Variants in ARHGAP35 observed in about 807,000 individuals in gnomAD.
The protein encoded by ARHGAP35 is rho GTPase-activating protein 35.
Under a neutral mutation model 111.1 loss-of-function variants are expected in ARHGAP35, and 15 were observed. The ratio of observed to expected loss-of-function variants is 0.13; its 90% CI spans 0.09 to 0.21. The LOEUF is 0.21. Ranked by LOEUF, ARHGAP35 falls within the 10% of genes least tolerant of loss-of-function variation. The probability of loss-of-function intolerance (pLI) is 1.00; values close to 1 mark genes in which losing one functional copy is unlikely to be tolerated. For missense variants in ARHGAP35, 1,262 were observed against 1,873.0 expected (o/e 0.67, Z 6.02); for synonymous variants, 643 against 710.3 (o/e 0.91, Z 1.51).
chr19:46,894,306 A>G (rs1439995578), intron 1 of ARHGAP35, among the ~76,000 whole-genome samples: 1 of 152,204 alleles, frequency 6.6e-6, no homozygotes, highest in Non-Finnish European at 1.5e-5. Flanking sequence ...TTGAGAGTGG[A>G]TCAATGATGT....
chr19:46,944,184 C>T (rs2056365244), intron 3 of ARHGAP35, among the ~76,000 whole-genome samples: 1 of 151,602 alleles, frequency 6.6e-6, no homozygotes, highest in African/African-American at 2.4e-5. Flanking sequence ...CCTGTAGTCC[C>T]AGCTACTCAG....
chr19:46,984,845 C>T (rs561915774), intron 3 of ARHGAP35, among the ~76,000 whole-genome samples: 1 of 152,350 alleles, frequency 6.6e-6, no homozygotes, highest in East Asian at 1.9e-4. Flanking sequence ...CCTGCCCTCT[C>T]ATGCCGGGGC....
In ARHGAP35 at chr19:46,999,319, A is replaced by C. The variant is rs892069216; in HGVS notation, c.4052A>C (p.Glu1351Ala). The C allele has an allele frequency of 1.3e-6, 2 of 1,588,706 alleles. No individual in the cohort carries two copies. Among genetic ancestry groups the C allele is most frequent in the Non-Finnish European group, 1.7e-6 (2 of 1,167,608 alleles). Reference protein sequence around the residue: ...LVEAHKINDREQKLHALKEVL... With the variant: ...LVEAHKINDRAQKLHALKEVL... ...CTCTCCTCAGAAATCAACGACCGGG[A>C]GCAGAAGTTGCATGCCCTTAAGGAG... Residue 1351 changes from glutamate (E) to alanine (A), a missense_variant, in exon 6 of 7, where the codon GAG becomes GCG. Around this residue, in one of 8 missense-constraint regions of ARHGAP35, gnomAD observed 50 missense variants for 60.5 expected, o/e 0.83. Transcript: ENST00000672722. The surrounding 1 kb of genome is among the most constrained non-coding windows in gnomAD (Gnocchi z 5.4).
intron 1 of ARHGAP35, among the ~76,000 whole-genome samples, chr19:46,883,273 T>TG (rs2055973408): frequency 2.6e-5 from 4 of 151,784 alleles, no homozygotes; most frequent in African/African-American, 9.7e-5. Context: ...TTTTTTTTTT[T>TG]TTTGTTAGTA....
rs373976619 is a variant in ARHGAP35 at position 46,970,409 on chromosome 19, G to A, written c.3827-17580G>A. Among the ~76,000 whole-genome samples, 22 of 152,318 alleles carry A rather than the reference G, an allele frequency of 1.4e-4. No individual in the cohort carries two copies. In the East Asian group the frequency reaches 3.7e-3, roughly 25 times the overall value. On this transcript the variant is annotated intron_variant, in intron 3 of 6. Coordinates refer to ENST00000672722, the MANE Select transcript of ARHGAP35 (RefSeq NM_004491.5). ...CACCCCTGCAGTCTCTAACTTGAAG[G>A]ACTGTGCAAGCAGGCATGTTCCTTA... is the stretch of plus-strand genomic sequence containing the variant.
chr19:46,974,913 C>A (rs2056571466), intron 3 of ARHGAP35, among the ~76,000 whole-genome samples: 1 of 152,184 alleles, frequency 6.6e-6, no homozygotes, highest in Admixed American at 6.5e-5. Context: ...TCACTGTTGC[C>A]TGGGCTGAGT....
At chr19:46,967,749 A>T (rs1300225779) in intron 3 of ARHGAP35, among the ~76,000 whole-genome samples, 1 of 152,166 alleles carries the variant, frequency 6.6e-6, no homozygotes, top group African/African-American at 2.4e-5. Context: ...ACTTCAGCCC[A>T]CAGATTAAAA....
At chr19:46,871,236 A>C in intron 1 of ARHGAP35, among the ~76,000 whole-genome samples, 1 of 152,242 alleles carries the variant, frequency 6.6e-6, no homozygotes, top group Non-Finnish European at 1.5e-5. Flanking sequence ...AAATTAAAAG[A>C]AAAGAGATAG....
Position 46,900,213 on chromosome 19 carries a change from G to GT in ARHGAP35, c.-188-18269dup, listed in dbSNP as rs1388277968. ...AACTTTATTCATAAATTTGTTTTTT[G>GT]TTTTTTGGGTTTTTTTTTTTTTTTT... On this transcript the variant is annotated intron_variant, in intron 1 of 6. Transcript: ENST00000672722. 2.2e-5 allele frequency among the ~76,000 whole-genome samples: 3 copies of GT among 135,214 alleles called. No individual in the cohort carries two copies. In the East Asian group the frequency reaches 6.3e-4, roughly 28 times the overall value. The allele number at this position is 135,214 out of a possible 152,430, so 88.7% of individuals were successfully genotyped here.
At position 46,920,516 on chromosome 19, in the gene ARHGAP35, A is replaced by G; in HGVS notation, c.1841A>G (p.Asn614Ser). ...GACGGCCTTGCCCGAGAGTTGGCCA[A>G]TGAGATTCGAGCTCTTTGTACAAAT... ...GKDGLARELA[N>S]EIRALCTNDD... Residue 614 changes from asparagine to serine, a missense_variant, in exon 2 of 7, where the codon AAT (asparagine) becomes AGT (serine). Asn to Ser is a conservative substitution (Grantham distance 46). Coordinates refer to ENST00000672722, the MANE Select transcript of ARHGAP35 (RefSeq NM_004491.5). This position sits in a 1 kb window ranked among gnomAD's most constrained non-coding sequence, Gnocchi z 7.0. The G allele has an allele frequency of 6.8e-6, 11 of 1,614,020 alleles. No homozygotes were observed. The highest frequency in any genetic ancestry group is 2.2e-5 in the East Asian group (1 of 44,888).
At chr19:46,925,277 AGCAAATCC>A (rs1159248722) in intron 2 of ARHGAP35, among the ~76,000 whole-genome samples, 2 of 152,182 alleles carry the variant, frequency 1.3e-5, no homozygotes, top group East Asian at 3.8e-4. Context: ...TGCAGAGATG[AGCAAATCC>A]TTTGCCGCTA....
Position 46,921,331 on chromosome 19 carries a change from G to A in ARHGAP35, c.2656G>A (p.Val886Ile), listed in dbSNP as rs775778203. ...GCAGGATATTATCCCTATTCAGCTTGTAGCACTCACTGATGGCGCTGTAGA... is the reference window on the plus strand; with the variant it reads ...GCAGGATATTATCCCTATTCAGCTTATAGCACTCACTGATGGCGCTGTAGA... ...EVQDIIPIQL[V>I]ALTDGAVDVL... The change falls in exon 2 of 7, where the codon GTA becomes ATA. Residue 886 changes from valine to isoleucine, a missense_variant. Transcript: ENST00000672722. The surrounding 1 kb of genome is among the most constrained non-coding windows in gnomAD (Gnocchi z 4.3). 340 of 1,613,940 alleles carry A rather than the reference G, an allele frequency of 2.1e-4. No individual in the cohort carries two copies. The highest frequency in any genetic ancestry group is 2.7e-4 in the Non-Finnish European group (322 of 1,179,892).
In ARHGAP35 at chr19:46,994,805, C is replaced by T. The variant is rs2056698528; in HGVS notation, c.4037-4499C>T. The stretch of plus-strand genomic sequence containing the variant: ...GAGCGGGTCCCCGTAAATATCTGCT[C>T]CTCCCACCCACTGCGGATGAACAAA... On this transcript the variant is annotated intron_variant, in intron 5 of 6. Coordinates refer to ENST00000672722, the MANE Select transcript of ARHGAP35 (RefSeq NM_004491.5). This position sits in a 1 kb window ranked among gnomAD's most constrained non-coding sequence, Gnocchi z 5.4. Among the ~76,000 whole-genome samples the T allele has an allele frequency of 6.6e-6, 1 of 152,190 alleles. No homozygotes were observed. Among genetic ancestry groups the T allele is most frequent in the African/African-American group, 2.4e-5 (1 of 41,438 alleles).
chr19:46,872,398 T>C (rs868305962), intron 1 of ARHGAP35, among the ~76,000 whole-genome samples: 10 of 151,946 alleles, frequency 6.6e-5, no homozygotes, highest in African/African-American at 1.4e-4. Context: ...TTACTATTTC[T>C]GATTCAGGGA....
intron 1 of ARHGAP35, among the ~76,000 whole-genome samples, chr19:46,876,931 G>A (rs985521160): frequency 6.6e-6 from 1 of 151,824 alleles, no homozygotes; most frequent in Non-Finnish European, 1.5e-5. Flanking sequence ...GTCACACGAA[G>A]TTTTTCGTTT....
At chr19:46,861,748 C>T (rs1296512996) in intron 1 of ARHGAP35, among the ~76,000 whole-genome samples, 1 of 152,136 alleles carries the variant, frequency 6.6e-6, no homozygotes, top group Non-Finnish European at 1.5e-5. Context: ...CTTTGACCTA[C>T]CTTCTGTGCT....
In ARHGAP35 at chr19:47,003,552, C is replaced by T. The variant is rs2056759469; in HGVS notation, c.*2864C>T. The T allele has an allele frequency of 6.6e-6, 1 of 152,252 alleles. No homozygotes were observed. Among genetic ancestry groups the T allele is most frequent in the African/African-American group, 2.4e-5 (1 of 41,448 alleles). The allele number at this position is 152,252 out of a possible 1,614,324, so 9.4% of individuals were successfully genotyped here. ...CACTTAGAATTCTTGGCTTGTGTCG[C>T]ATACTGGGTGTCACGGCACACATTT... is the stretch of plus-strand genomic sequence containing the variant. On this transcript the variant is annotated 3_prime_UTR_variant, in exon 7 of 7. Transcript: ENST00000672722.
At chr19:46,872,113 C>G (rs115574187) in intron 1 of ARHGAP35, among the ~76,000 whole-genome samples, 1 of 151,806 alleles carries the variant, frequency 6.6e-6, no homozygotes, top group Non-Finnish European at 1.5e-5. Flanking sequence ...AATGTTTTAA[C>G]CTTAGGGGAA....
chr19:46,863,144 C>T (rs12975445), intron 1 of ARHGAP35, among the ~76,000 whole-genome samples: 40,151 of 151,522 alleles, frequency 0.26, 5,833 homozygotes, highest in East Asian at 0.42. Context: ...GCTCACCACC[C>T]GTGGCCCACC....
Sources: allele counts gnomAD v4.1 joint callset (sites outside exome capture counted in the v4.1 genomes callset), GRCh38; gene constraint gnomAD v4.1.1; regional missense constraint gnomAD v4.1.1; non-coding constraint Gnocchi (gnomAD v3.1); transcripts MANE v1.5; gene names NCBI Gene and HGNC (gene_info 2026-07-23, HGNC 2026-07-21).